Variants in WDR49 observed in about 807,000 individuals in gnomAD.
WDR49 encodes WD repeat domain 49.
WDR49 carries 107 observed loss-of-function variants against 119.5 expected under a neutral mutation model. The observed-to-expected ratio is 0.90, with a 90% CI of 0.77 to 1.05. WDR49 has a LOEUF of 1.05. Ranked by LOEUF, WDR49 falls within the 50% of genes least tolerant of loss-of-function variation. WDR49 has a pLI of 0.00. For missense variants in WDR49, 1,240 were observed against 1,220.5 expected (o/e 1.02, Z -0.24); for synonymous variants, 425 against 418.8 (o/e 1.01, Z -0.18).
At chr3:167,518,561 G>A (rs1387086946) in intron 16 of WDR49, among the ~76,000 whole-genome samples, 1 of 149,910 alleles carries the variant, frequency 6.7e-6, no homozygotes, top group South Asian at 2.2e-4. Flanking sequence ...CATATCCTTT[G>A]CCCACTTTTT....
At chr3:167,638,772 TTATCAATTATTCAAGA>T (rs1717737595) in intron 2 of WDR49, among the ~76,000 whole-genome samples, 1 of 151,582 alleles carries the variant, frequency 6.6e-6, no homozygotes. Context: ...TTATACTATA[TTATCAATTATTCAAGA>T]GCTCATCAAT....
rs2108255127 is a variant in WDR49, at chr3:167,543,248, C to G, written c.1824-6248G>C. Among the ~76,000 whole-genome samples, 3 of 152,056 alleles carry G rather than the reference C, an allele frequency of 2.0e-5. No individual in the cohort carries two copies. The East Asian group carries it at 5.8e-4, about 29-fold the overall frequency. On this transcript the variant is annotated intron_variant, in intron 10 of 18. Coordinates refer to ENST00000682715, the MANE Select transcript of WDR49 (RefSeq NM_001366157.1). ...TGGTACCAATCTTACTGAAACTATT[C>G]CAAAAGATAGAGAAAGAGGATATCT...
chr3:167,504,964 A>T (rs1751709673), intron 17 of WDR49, among the ~76,000 whole-genome samples: 3 of 152,168 alleles, frequency 2.0e-5, no homozygotes, highest in African/African-American at 7.2e-5. Flanking sequence ...AGCAGATACC[A>T]ACATTATGGT....
intron 10 of WDR49, among the ~76,000 whole-genome samples, chr3:167,545,284 T>C (rs1482505191): frequency 2.0e-5 from 3 of 151,592 alleles, no homozygotes; most frequent in African/African-American, 7.3e-5. Flanking sequence ...GAAAACAGTA[T>C]GGAAACTTCT....
chr3:167,585,391 CGT>C (rs59424091), intron 7 of WDR49, among the ~76,000 whole-genome samples: 26,602 of 136,982 alleles, frequency 0.19, 2,305 homozygotes, highest in Middle Eastern at 0.28. Context: ...TAAAAGGGTG[CGT>C]GTGTGTGTGT....
chr3:167,610,748 C>G (rs1178294009), intron 5 of WDR49, among the ~76,000 whole-genome samples: 1 of 152,204 alleles, frequency 6.6e-6, no homozygotes, highest in Non-Finnish European at 1.5e-5. Flanking sequence ...CAGTGCTGTG[C>G]TGGCTTCAGG....
At chr3:167,547,389 G>T (rs544242996) in intron 10 of WDR49, among the ~76,000 whole-genome samples, 1 of 151,562 alleles carries the variant, frequency 6.6e-6, no homozygotes, top group African/African-American at 2.4e-5. Flanking sequence ...TTATATGAAA[G>T]ATTCTGTTTT....
chr3:167,644,416 T>A (rs1351193411), intron 2 of WDR49, among the ~76,000 whole-genome samples: 2 of 152,122 alleles, frequency 1.3e-5, no homozygotes, highest in African/African-American at 2.4e-5. Flanking sequence ...CTACACCACA[T>A]AAATATGTAC....
At chr3:167,601,823 A>G (rs928956145) in intron 7 of WDR49, among the ~76,000 whole-genome samples, 1 of 152,060 alleles carries the variant, frequency 6.6e-6, no homozygotes, top group Non-Finnish European at 1.5e-5. Context: ...TGTTTTTTCT[A>G]TTGAATTTGT....
At position 167,527,751 on chromosome 3, in the gene WDR49, T is replaced by A. The variant is rs139581813; in HGVS notation, c.2604+69A>T. On this transcript the variant is annotated intron_variant, in intron 15 of 18. Transcript: ENST00000682715. ...CATTAAACAGCTGATGAGATTCAAATAGAAATCAGCCCAAGTTAATACTAA... is the reference window on the plus strand; with the variant it reads ...CATTAAACAGCTGATGAGATTCAAAAAGAAATCAGCCCAAGTTAATACTAA... 9.4e-5 allele frequency: 136 copies of A among 1,449,896 alleles called. No homozygotes were observed. In the African/African-American group the frequency reaches 1.5e-3, roughly 16 times the overall value. The allele number at this position is 1,449,896 out of a possible 1,614,324, so 89.8% of individuals were successfully genotyped here.
intron 16 of WDR49, among the ~76,000 whole-genome samples, chr3:167,510,304 G>C (rs970464115): frequency 3.3e-5 from 5 of 152,018 alleles, no homozygotes; most frequent in African/African-American, 1.2e-4. Flanking sequence ...TTCTGAAACT[G>C]TATTTTCTGA....
At chr3:167,583,449 C>G (rs1192432270) in intron 7 of WDR49, among the ~76,000 whole-genome samples, 1 of 151,920 alleles carries the variant, frequency 6.6e-6, no homozygotes, top group African/African-American at 2.4e-5. Context: ...AATCTCAGCA[C>G]TTTGGGAGGC....
intron 8 of WDR49, among the ~76,000 whole-genome samples, chr3:167,569,280 T>C (rs997067163): frequency 1.3e-5 from 2 of 152,168 alleles, no homozygotes; most frequent in African/African-American, 2.4e-5. Flanking sequence ...GATTTAATAC[T>C]GTATCTTTTT....
At chr3:167,484,907 T>A (rs151213616) in intron 18 of WDR49, among the ~76,000 whole-genome samples, 4,404 of 152,200 alleles carry the variant, frequency 0.029, 222 homozygotes, top group African/African-American at 0.1. Flanking sequence ...TGTTTATTGC[T>A]GCACTGTTCA....
chr3:167,514,270 G>A (rs781704826), intron 16 of WDR49, among the ~76,000 whole-genome samples: 6 of 152,182 alleles, frequency 3.9e-5, no homozygotes, highest in African/African-American at 1.2e-4. Context: ...AGACCACAGC[G>A]CAATTTAATT....
In WDR49 at chr3:167,627,067, C is replaced by T; in HGVS notation, c.391G>A (p.Asp131Asn). 6.2e-6 allele frequency: 8 copies of T among 1,299,034 alleles called. No individual in the cohort carries two copies. Among genetic ancestry groups the T allele is most frequent in the Non-Finnish European group, 5.9e-6 (6 of 1,023,402 alleles). The allele number at this position is 1,299,034 out of a possible 1,614,324, so 80.5% of individuals were successfully genotyped here. The change falls in exon 3 of 19, where the codon GAC (aspartate) becomes AAC (asparagine). Residue 131 changes from aspartate (D) to asparagine (N), a missense_variant. Transcript: ENST00000682715. ...AKATVVPQWK[D>N]LEFLPVKHKD... ...TGTTTTACTGGGAGGAATTCAAGGT[C>T]CTTCCACTGGGGCACCACAGTTGCC...
intron 18 of WDR49, among the ~76,000 whole-genome samples, chr3:167,491,632 GT>G (rs577582870): frequency 1.4e-3 from 215 of 152,100 alleles, no homozygotes; most frequent in Non-Finnish European, 2.5e-3. Context: ...GTCACCTGAG[GT>G]ATCATTAATA....
intron 7 of WDR49, among the ~76,000 whole-genome samples, chr3:167,576,606 A>G (rs115113311): frequency 0.026 from 3,912 of 152,276 alleles, 172 homozygotes; most frequent in African/African-American, 0.089. Flanking sequence ...AGAGGGAGGC[A>G]GAAAAATGAT....
At chr3:167,618,457 TTAAAG>T (rs1716706501) in intron 5 of WDR49, among the ~76,000 whole-genome samples, 1 of 152,124 alleles carries the variant, frequency 6.6e-6, no homozygotes, top group Non-Finnish European at 1.5e-5. Context: ...AATAAAGTGT[TTAAAG>T]TAAATGTGTG....
Sources: gnomAD v4.1 joint callset for allele counts (sites outside exome capture counted in the v4.1 genomes callset) on GRCh38, gnomAD v4.1.1 for gene constraint, MANE v1.5 for transcripts, NCBI Gene and HGNC (gene_info 2026-07-23, HGNC 2026-07-21) for gene names.